Variants in CEP41 observed in about 807,000 individuals in gnomAD.
The protein encoded by CEP41 is centrosomal protein of 41 kDa.
Under a neutral mutation model 44.3 loss-of-function variants are expected in CEP41, and 32 were observed. The ratio of observed to expected loss-of-function variants is 0.72; its 90% CI spans 0.54 to 0.97. The LOEUF (loss-of-function observed/expected upper bound fraction) is 0.97, where lower values mean the gene tolerates loss of function less well. CEP41 is among the 50% of genes least tolerant of loss of function. CEP41 has a pLI of 0.00. For missense variants in CEP41, 432 were observed against 455.2 expected, an observed-to-expected ratio of 0.95 and a Z score of 0.46; for synonymous variants, 151 against 168.5, an observed-to-expected ratio of 0.90 and a Z score of 0.80.
rs1796711217 is a variant in CEP41, at chr7:130,397,730, T to C, written c.*1161A>G. On this transcript the variant is annotated 3_prime_UTR_variant, in exon 11 of 11. Coordinates refer to ENST00000223208, the MANE Select transcript of CEP41 (RefSeq NM_018718.3). ...CTTTTCCATCTGATTTCAGAGTTCC[T>C]CATCCTTACCTGAGGCCTTTTGTTC... 4.4e-6 allele frequency: 2 copies of C among 454,140 alleles called. No individual in the cohort carries two copies. The highest frequency in any genetic ancestry group is 6.9e-4 in the Middle Eastern group (1 of 1,440). The allele number at this position is 454,140 out of a possible 1,614,324, so 28.1% of individuals were successfully genotyped here.
chr7:130,427,932 C>T, intron 2 of CEP41, 23 bp downstream of exon 2: 3 of 1,531,856 alleles, frequency 2.0e-6, no homozygotes, highest in Non-Finnish European at 2.7e-6. Flanking sequence ...TTTTTTAATT[C>T]TAATTTTCTA....
Position 130,395,814 on chromosome 7 carries a change from C to G in CEP41, c.*3077G>C, listed in dbSNP as rs782254477. 17 of 452,876 alleles carry G rather than the reference C, an allele frequency of 3.8e-5. No individual in the cohort carries two copies. The highest frequency in any genetic ancestry group is 2.2e-5 in the Non-Finnish European group (5 of 226,672). The allele number at this position is 452,876 out of a possible 1,614,324, so 28.1% of individuals were successfully genotyped here. A position where few individuals can be genotyped will look rare whatever the true frequency, so the allele number is the denominator to read the frequency against. ...GAGCAACTAATGAATGTTATTTGGTCTCTTTTCATTCGGATTTATACCAAG... is the reference window on the plus strand; with the variant it reads ...GAGCAACTAATGAATGTTATTTGGTGTCTTTTCATTCGGATTTATACCAAG... On this transcript the variant is annotated 3_prime_UTR_variant, in exon 11 of 11. Transcript: ENST00000223208.
rs1554415550 is a variant in CEP41 at position 130,397,983 on chromosome 7, C to T, written c.*908G>A. ...TGACAAAGGACTTCGGAGTCCTCTTCACCTTGTGTGTCCACAGTTGTCCAA... is the reference window on the plus strand; with the variant it reads ...TGACAAAGGACTTCGGAGTCCTCTTTACCTTGTGTGTCCACAGTTGTCCAA... On this transcript the variant is annotated 3_prime_UTR_variant, in exon 11 of 11. Coordinates refer to ENST00000223208, the MANE Select transcript of CEP41 (RefSeq NM_018718.3). The T allele has an allele frequency of 4.4e-6, 2 of 454,376 alleles. No individual in the cohort carries two copies. Among genetic ancestry groups the T allele is most frequent in the Admixed American group, 2.3e-5 (1 of 42,560 alleles). 28.1% of individuals were successfully genotyped at this position (454,376 alleles called of 1,614,324 possible). A position where few individuals can be genotyped will look rare whatever the true frequency, so the allele number is the denominator to read the frequency against.
Position 130,438,105 on chromosome 7 carries a change from T to G in CEP41, c.33+2829A>C, listed in dbSNP as rs144018066. On this transcript the variant is annotated intron_variant, in intron 1 of 10. Transcript: ENST00000223208. ...CGTTCTCCCATATTCTTGATCTCAC[T>G]CATGGCGCCAGCACCAATGAGTAGT... Among the ~76,000 whole-genome samples the G allele has an allele frequency of 3.0e-3, 457 of 152,280 alleles. 2 individuals carry two copies. Among genetic ancestry groups the G allele is most frequent in the Non-Finnish European group, 4.8e-3 (329 of 68,004 alleles).
At chr7:130,402,191 A>G (rs1284073648) in intron 7 of CEP41, among the ~76,000 whole-genome samples, 6 of 152,006 alleles carry the variant, frequency 3.9e-5, no homozygotes, top group Non-Finnish European at 7.4e-5. Context: ...AAAAAATACA[A>G]AAACATTAGC....
intron 2 of CEP41, chr7:130,419,058 A>G (rs1797420875): frequency 2.0e-6 from 2 of 985,316 alleles, no homozygotes; most frequent in Admixed American, 6.2e-5. Context: ...TTTCAGGGTA[A>G]TTACACTTAA....
rs577102638 is a variant in CEP41 at position 130,427,982 on chromosome 7, G to C, written c.70C>G (p.Gln24Glu). 1.2e-6 allele frequency: 2 copies of C among 1,606,636 alleles called. No individual in the cohort carries two copies. Among genetic ancestry groups the C allele is most frequent in the South Asian group, 1.1e-5 (1 of 90,914 alleles). The change falls in exon 2 of 11, where the codon CAG becomes GAG. Residue 24 changes from glutamine (Q) to glutamate (E), a missense_variant. Transcript: ENST00000223208. ...MKRIPQNPRY[Q>E]HIKSRLDTGN... ...GTGTCCAGTCTTGATTTGATATGCT[G>C]GTATCTTGGGTTCTGTGGTATCCTT...
chr7:130,437,541 A>G (rs988122166), intron 1 of CEP41, among the ~76,000 whole-genome samples: 1 of 151,874 alleles, frequency 6.6e-6, no homozygotes, highest in Non-Finnish European at 1.5e-5. Flanking sequence ...TGGGAGCCCA[A>G]GGCAGGATTG....
chr7:130,396,191 G>T lies in CEP41; in HGVS notation c.*2700C>A. 2 of 454,006 alleles carry T rather than the reference G, an allele frequency of 4.4e-6. No homozygotes were observed. Among genetic ancestry groups the T allele is most frequent in the African/African-American group, 2.0e-5 (1 of 50,080 alleles). 28.1% of individuals were successfully genotyped at this position (454,006 alleles called of 1,614,324 possible). A position where few individuals can be genotyped will look rare whatever the true frequency, so the allele number is the denominator to read the frequency against. On this transcript the variant is annotated 3_prime_UTR_variant, in exon 11 of 11. Transcript: ENST00000223208. ...GGCCATCACTGCTGTTCAGGGTGCT[G>T]TAGTTGTACATCGATGAAGCACCTT...
intron 2 of CEP41, among the ~76,000 whole-genome samples, chr7:130,427,242 G>A (rs376866694): frequency 1.5e-3 from 229 of 152,034 alleles, no homozygotes; most frequent in African/African-American, 5.0e-3. Flanking sequence ...TTTTAATCAC[G>A]TGAATTTTCC....
intron 1 of CEP41, among the ~76,000 whole-genome samples, chr7:130,433,541 T>C (rs1334678496): frequency 6.6e-6 from 1 of 152,216 alleles, no homozygotes; most frequent in African/African-American, 2.4e-5. Flanking sequence ...AGAAAGTTCC[T>C]GTTTGTGGTA....
chr7:130,395,903 G>T lies in CEP41; in HGVS notation c.*2988C>A. 2.3e-6 allele frequency: 1 copy of T among 437,526 alleles called. No homozygotes were observed. The highest frequency in any genetic ancestry group is 2.6e-5 in the Admixed American group (1 of 39,190). The allele number at this position is 437,526 out of a possible 1,614,324, so 27.1% of individuals were successfully genotyped here. ...GTTAAAAAAAAAAAAAAAGATAAAA[G>T]ATAAAATGAATGCAGGCCATTTAAA... On this transcript the variant is annotated 3_prime_UTR_variant, in exon 11 of 11. Coordinates refer to ENST00000223208, the MANE Select transcript of CEP41 (RefSeq NM_018718.3).
intron 1 of CEP41, chr7:130,440,585 C>T (rs1798118175): frequency 1.4e-5 from 7 of 484,422 alleles, no homozygotes; most frequent in Non-Finnish European, 1.5e-5. Context: ...GCTTTCAACA[C>T]GTGCCATTAG....
chr7:130,440,858 T>G (rs1309926544), intron 1 of CEP41, 76 bp downstream of exon 1: 8 of 1,366,960 alleles, frequency 5.9e-6, no homozygotes, highest in Non-Finnish European at 7.8e-6. Flanking sequence ...AGTCGCTGGC[T>G]GCTCTTCCCT....
chr7:130,418,259 T>C (rs73152876), intron 2 of CEP41, among the ~76,000 whole-genome samples: 3,173 of 152,302 alleles, frequency 0.021, 38 homozygotes, highest in Non-Finnish European at 0.031. Context: ...GAATACCTCT[T>C]AGAAGAGGCC....
At chr7:130,421,787 AGACTGTGG>A (rs781936078) in intron 2 of CEP41, 3 of 1,255,434 alleles carry the variant, frequency 2.4e-6, no homozygotes, top group Admixed American at 3.9e-5. Context: ...AGCCAATGAA[AGACTGTGG>A]GGACTAATAA....
upstream of CEP41, chr7:130,441,031 A>AC (rs782299218): frequency 6.4e-7 from 1 of 1,553,014 alleles, no homozygotes; most frequent in Non-Finnish European, 8.8e-7. Flanking sequence ...CTAGCTTCCT[A>AC]CCCCCACAAC....
Position 130,440,863 on chromosome 7 carries a change from T to G in CEP41, c.33+71A>C. 6.1e-6 allele frequency: 9 copies of G among 1,470,046 alleles called. No individual in the cohort carries two copies. The South Asian group carries it at 1.0e-4, about 16-fold the overall frequency. The allele number at this position is 1,470,046 out of a possible 1,614,324, so 91.1% of individuals were successfully genotyped here. A position where few individuals can be genotyped will look rare whatever the true frequency, so the allele number is the denominator to read the frequency against. ...GGGCGGCGGAAGTCGCTGGCTGCTC[T>G]TCCCTGCCCACATGAGCCTTTTCCG... On this transcript the variant is annotated intron_variant, in intron 1 of 10. Transcript: ENST00000223208.
chr7:130,396,782 C>A lies in CEP41; in HGVS notation c.*2109G>T, dbSNP rs545748851. The stretch of plus-strand genomic sequence containing the variant: ...GCAAAGCAAGCACTGTGGAGAAATA[C>A]ACATAAATATATCCAACCTGCCAGA... On this transcript the variant is annotated 3_prime_UTR_variant, in exon 11 of 11. Transcript: ENST00000223208. 2.2e-6 allele frequency: 1 copy of A among 454,152 alleles called. No homozygotes were observed. Among genetic ancestry groups the A allele is most frequent in the Non-Finnish European group, 4.4e-6 (1 of 226,762 alleles). The allele number at this position is 454,152 out of a possible 1,614,324, so 28.1% of individuals were successfully genotyped here. A position where few individuals can be genotyped will look rare whatever the true frequency, so the allele number is the denominator to read the frequency against.
Sources: allele counts gnomAD v4.1 joint callset (sites outside exome capture counted in the v4.1 genomes callset), GRCh38; gene constraint gnomAD v4.1.1; transcripts MANE v1.5; gene names NCBI Gene and HGNC (gene_info 2026-07-23, HGNC 2026-07-21).